AFG2A: variants seen among roughly 807,000 people sequenced by gnomAD.
AFG2A encodes the protein AAA ATPase AFG2A, also known as ATPase family gene 2 protein homolog A.
At chr4:123,214,943 T>A in the AFG2A span, among the ~76,000 whole-genome samples, 2 of 152,072 alleles carry the variant, frequency 1.3e-5, no homozygotes, top group African/African-American at 4.8e-5. Context: ...GTAGTTAAAT[T>A]TTTTGGAGAG....
chr4:122,947,323 A>G, the AFG2A span: 1 of 1,614,002 alleles, frequency 6.2e-7, no homozygotes, highest in East Asian at 2.2e-5. Context: ...GCGATTTGAT[A>G]AAGAGATTGA....
the AFG2A span, among the ~76,000 whole-genome samples, chr4:123,069,305 G>A: frequency 6.6e-6 from 1 of 152,144 alleles, no homozygotes; most frequent in African/African-American, 2.4e-5. Context: ...TTATTTTATT[G>A]TAGGGTAATT....
the AFG2A span, among the ~76,000 whole-genome samples, chr4:123,130,922 T>G: frequency 7.1e-6 from 1 of 140,452 alleles, no homozygotes; most frequent in African/African-American, 2.6e-5. Flanking sequence ...TGCTTGTTAT[T>G]GTCAGTGTTT....
the AFG2A span, chr4:123,057,339 A>C: frequency 5.7e-5 from 87 of 1,515,166 alleles, no homozygotes; most frequent in Middle Eastern, 3.4e-4. Flanking sequence ...GATGTTACAT[A>C]ATAATAGCAA....
the AFG2A span, among the ~76,000 whole-genome samples, chr4:123,007,711 C>CT: frequency 3.4e-5 from 5 of 149,070 alleles, no homozygotes; most frequent in African/African-American, 1.2e-4. Context: ...TCCCTGGGAA[C>CT]TTTATTTATT....
chr4:123,213,674 C>G, the AFG2A span, among the ~76,000 whole-genome samples: 1 of 152,142 alleles, frequency 6.6e-6, no homozygotes, highest in South Asian at 2.1e-4. Flanking sequence ...ATTTAGGAGA[C>G]AGCTGTAGCT....
chr4:122,955,930 G>A, the AFG2A span, among the ~76,000 whole-genome samples: 3 of 152,204 alleles, frequency 2.0e-5, no homozygotes, highest in African/African-American at 7.2e-5. Context: ...GGATCAAAAA[G>A]CAGAAGTATC....
the AFG2A span, among the ~76,000 whole-genome samples, chr4:122,980,772 A>G: frequency 6.6e-6 from 1 of 152,150 alleles, no homozygotes. Context: ...TTCATATACC[A>G]GTTAGCCATT....
the AFG2A span, among the ~76,000 whole-genome samples, chr4:123,035,146 A>G: frequency 1.2e-3 from 176 of 151,564 alleles, no homozygotes; most frequent in African/African-American, 4.1e-3. Flanking sequence ...CTGGCCCCAA[A>G]CCCAGACCCC....
chr4:122,940,289 ACCTGTTGTTT>A, the AFG2A span, among the ~76,000 whole-genome samples: 1 of 151,868 alleles, frequency 6.6e-6, no homozygotes, highest in Non-Finnish European at 1.5e-5. Context: ...CCTCTCTAGC[ACCTGTTGTTT>A]CCTGACTTTT....
the AFG2A span, among the ~76,000 whole-genome samples, chr4:123,281,618 G>A: frequency 6.6e-6 from 1 of 152,122 alleles, no homozygotes; most frequent in Non-Finnish European, 1.5e-5. Context: ...ATCTACCTTT[G>A]ATGTTCTTTA....
chr4:123,046,096 C>CA, the AFG2A span, among the ~76,000 whole-genome samples: 1,294 of 127,632 alleles, frequency 0.01, 5 homozygotes, highest in African/African-American at 0.018. Flanking sequence ...GACTCCATCT[C>CA]AAAAAAAAAA....
the AFG2A span, among the ~76,000 whole-genome samples, chr4:123,006,453 A>G: frequency 6.6e-6 from 1 of 152,106 alleles, no homozygotes; most frequent in Non-Finnish European, 1.5e-5. Flanking sequence ...TTGAAAAAAA[A>G]AATTTCTTCA....
At chr4:123,188,513 G>A in the AFG2A span, among the ~76,000 whole-genome samples, 387 of 152,190 alleles carry the variant, frequency 2.5e-3, no homozygotes, top group Middle Eastern at 0.027. Context: ...ACTGTTCGTC[G>A]ATCATAGAGC....
the AFG2A span, among the ~76,000 whole-genome samples, chr4:123,021,178 T>A: frequency 6.6e-6 from 1 of 152,136 alleles, no homozygotes; most frequent in African/African-American, 2.4e-5. Context: ...TCCATACTTG[T>A]AACGGTACCT....
chr4:123,260,935 A>G, the AFG2A span, among the ~76,000 whole-genome samples: 229 of 152,292 alleles, frequency 1.5e-3, no homozygotes, highest in African/African-American at 4.8e-3. Context: ...AGTGAGCATT[A>G]CTGCCTGAGT....
chr4:123,273,663 A>C, the AFG2A span, among the ~76,000 whole-genome samples: 1 of 152,204 alleles, frequency 6.6e-6, no homozygotes, highest in Non-Finnish European at 1.5e-5. Context: ...CCTCAAGTGG[A>C]AAATTCCACA....
the AFG2A span, among the ~76,000 whole-genome samples, chr4:123,074,955 G>T: frequency 6.6e-6 from 1 of 151,956 alleles, no homozygotes; most frequent in Non-Finnish European, 1.5e-5. Flanking sequence ...CTTTTTTGGG[G>T]GCGGTGGGAA....
the AFG2A span, chr4:122,933,425 T>C: frequency 6.2e-7 from 1 of 1,609,620 alleles, no homozygotes; most frequent in Non-Finnish European, 8.5e-7. Flanking sequence ...TGTTCCCTTC[T>C]TATCCTTTTA....
Sources: gnomAD v4.1 joint callset for allele counts (sites outside exome capture counted in the v4.1 genomes callset) on GRCh38, gnomAD v4.1.1 for gene constraint, MANE v1.5 for transcripts, NCBI Gene and HGNC (gene_info 2026-07-23, HGNC 2026-07-21) for gene names.